SHC4: variants seen among roughly 807,000 people sequenced by gnomAD.
SHC4 encodes the protein SHC-transforming protein 4.
Under a neutral mutation model 69.4 loss-of-function variants are expected in SHC4, and 41 were observed. That is an observed-to-expected ratio of 0.59 (90% CI 0.46 to 0.77). The LOEUF (loss-of-function observed/expected upper bound fraction) is 0.77. Ranked by LOEUF, SHC4 falls within the 30% of genes least tolerant of loss-of-function variation. The pLI is 0.00. For missense variants in SHC4, 777 were observed against 783.8 expected, an observed-to-expected ratio of 0.99 and a Z score of 0.10; for synonymous variants, 318 against 299.3, an observed-to-expected ratio of 1.06 and a Z score of -0.64.
intron 8 of SHC4, among the ~76,000 whole-genome samples, chr15:48,854,281 T>C (rs4774525): frequency 0.97 from 147,328 of 152,076 alleles, 71,468 homozygotes; most frequent in East Asian, 1. Flanking sequence ...TCACATATCA[T>C]ATCAGAATGA....
rs750589523 is a variant in SHC4 at position 48,857,684 on chromosome 15, T to G, written c.1070+8A>C. On this transcript the variant is annotated splice_region_variant and intron_variant, in intron 7 of 11. Coordinates refer to ENST00000332408, the MANE Select transcript of SHC4 (RefSeq NM_203349.4). Reference sequence around the variant, plus strand: ...TATTGTCAAATTATTATAAAACTCTTGGCTGACCTTTCACAAGAAGTATTC... The same window carrying G: ...TATTGTCAAATTATTATAAAACTCTGGGCTGACCTTTCACAAGAAGTATTC... The G allele has an allele frequency of 6.3e-7, 1 of 1,592,384 alleles. No homozygotes were observed. The highest frequency in any genetic ancestry group is 8.5e-7 in the Non-Finnish European group (1 of 1,169,734).
At position 48,856,093 on chromosome 15, in the gene SHC4, C is replaced by T. The variant is rs764778016; in HGVS notation, c.1102G>A (p.Glu368Lys). The part of the protein sequence containing the change: ...EEVHIDSHAE[E>K]REDHEYYNEI... Reference sequence around the variant, plus strand: ...TTGTAATATTCATGATCTTCTCTCTCCTCGGCATGGCTATCAATATGCACC... The same window carrying T: ...TTGTAATATTCATGATCTTCTCTCTTCTCGGCATGGCTATCAATATGCACC... The change falls in exon 8 of 12, where the codon GAG (glutamate) becomes AAG (lysine). Residue 368 changes from glutamate to lysine, a missense_variant. Transcript: ENST00000332408. 6.2e-7 allele frequency: 1 copy of T among 1,613,652 alleles called. No homozygotes were observed.
At chr15:48,925,037 T>A in intron 1 of SHC4, 88 bp from the exon 2 acceptor site, 2 of 1,339,772 alleles carry the variant, frequency 1.5e-6, no homozygotes, top group Non-Finnish European at 2.1e-6. Flanking sequence ...GGGAAGCACC[T>A]AAAATCAGCT....
intron 1 of SHC4, among the ~76,000 whole-genome samples, chr15:48,926,753 G>A (rs116091327): frequency 3.3e-3 from 509 of 152,176 alleles, no homozygotes; most frequent in African/African-American, 0.012. Context: ...ATGAGCCACC[G>A]CATCCTGCTG....
intron 6 of SHC4, among the ~76,000 whole-genome samples, chr15:48,867,261 A>G (rs1899581357): frequency 6.6e-6 from 1 of 152,244 alleles, no homozygotes; most frequent in Non-Finnish European, 1.5e-5. Flanking sequence ...TGTTAATGAA[A>G]AGAGAAATAA....
chr15:48,848,772 CT>C (rs1379636451), intron 9 of SHC4, among the ~76,000 whole-genome samples: 1 of 152,044 alleles, frequency 6.6e-6, no homozygotes, highest in African/African-American at 2.4e-5. Context: ...CGTTAAAATA[CT>C]TTCATATCCA....
intron 4 of SHC4, chr15:48,877,510 C>T: frequency 3.0e-6 from 3 of 983,802 alleles, no homozygotes; most frequent in East Asian, 1.1e-4. Flanking sequence ...TAGTATTTTG[C>T]TGTCAATACA....
At chr15:48,915,328 C>A (rs1900599383) in intron 2 of SHC4, among the ~76,000 whole-genome samples, 1 of 152,184 alleles carries the variant, frequency 6.6e-6, no homozygotes, top group Admixed American at 6.5e-5. Flanking sequence ...CAGAACCATT[C>A]CCAATTGATT....
intron 1 of SHC4, among the ~76,000 whole-genome samples, chr15:48,941,264 G>A (rs1901170098): frequency 1.3e-5 from 2 of 152,188 alleles, no homozygotes; most frequent in African/African-American, 4.8e-5. Context: ...ATTCAGGGCA[G>A]TGGAGAGGGT....
chr15:48,923,544 C>CAAAAAAA (rs3075016), intron 2 of SHC4, among the ~76,000 whole-genome samples: 13 of 92,994 alleles, frequency 1.4e-4, no homozygotes, highest in African/African-American at 5.6e-4. Context: ...GACTCTGTCT[C>CAAAAAAA]AAAAAAAAAA....
At chr15:48,924,171 TGG>T (rs770161466) in intron 2 of SHC4, among the ~76,000 whole-genome samples, 3 of 152,190 alleles carry the variant, frequency 2.0e-5, no homozygotes, top group Non-Finnish European at 4.4e-5. Flanking sequence ...CCACATCCAA[TGG>T]ATGCCCAAGT....
Position 48,843,563 on chromosome 15 carries a change from C to T in SHC4, c.1329G>A (p.Gln443=). ...AIGNVHPRGV[Q]SQRDTSLLKH... ...TCAATAATGAGGTATCTCGCTGGGA[C>T]TGCACCCCTCTTGGATGGACATTAC... The change falls in exon 10 of 12, where the codon CAG becomes CAA. Residue 443 remains glutamine (Q), a synonymous_variant. Coordinates refer to ENST00000332408, the MANE Select transcript of SHC4 (RefSeq NM_203349.4). The T allele has an allele frequency of 1.2e-6, 2 of 1,614,122 alleles. No homozygotes were observed. The highest frequency in any genetic ancestry group is 1.7e-6 in the Non-Finnish European group (2 of 1,179,948).
At chr15:48,890,949 G>T in intron 2 of SHC4, 138 bp from the exon 3 acceptor site, 2 of 895,526 alleles carry the variant, frequency 2.2e-6, no homozygotes, top group Non-Finnish European at 3.5e-6. Context: ...TATTCTCCCA[G>T]CCCCACAGGA....
At position 48,962,601 on chromosome 15, in the gene SHC4, T is replaced by C. The variant is rs774362123; in HGVS notation, c.415A>G (p.Arg139Gly). The C allele has an allele frequency of 6.2e-7, 1 of 1,614,012 alleles. No individual in the cohort carries two copies. Among genetic ancestry groups the C allele is most frequent in the South Asian group, 1.1e-5 (1 of 91,058 alleles). The change falls in exon 1 of 12, where the codon AGG becomes GGG. Residue 139 changes from arginine (R) to glycine (G), a missense_variant. Transcript: ENST00000332408. ...TGCGGTGGAGGTGCAGTCCCGGACC[T>C]ACTTAAACTGGTTTCTGGGGAAGAG... ...GPSSPETSLS[R>G]SGTAPPPQQD...
chr15:48,951,029 C>T (rs1172356339), intron 1 of SHC4, among the ~76,000 whole-genome samples: 2 of 152,220 alleles, frequency 1.3e-5, no homozygotes, highest in African/African-American at 2.4e-5. Flanking sequence ...CCATTCCCTT[C>T]CTCCCCTTTC....
chr15:48,923,734 G>A (rs1228291431), intron 2 of SHC4, among the ~76,000 whole-genome samples: 2 of 149,506 alleles, frequency 1.3e-5, no homozygotes, highest in African/African-American at 5.0e-5. Flanking sequence ...TGAACTCCTG[G>A]GCTCAAGTGA....
At chr15:48,857,661 T>C in intron 7 of SHC4, 31 bp downstream of exon 7, 1 of 1,560,780 alleles carries the variant, frequency 6.4e-7, no homozygotes, top group Non-Finnish European at 8.7e-7. Flanking sequence ...TATATATATA[T>C]TGTCAAATTA....
At chr15:48,881,826 T>A (rs1032077161) in intron 4 of SHC4, among the ~76,000 whole-genome samples, 3 of 152,232 alleles carry the variant, frequency 2.0e-5, no homozygotes, top group African/African-American at 7.2e-5. Context: ...TGAAATATGG[T>A]AATATTTAAA....
intron 10 of SHC4, among the ~76,000 whole-genome samples, chr15:48,838,765 A>G (rs1898942426): frequency 6.6e-6 from 1 of 152,196 alleles, no homozygotes; most frequent in Non-Finnish European, 1.5e-5. Flanking sequence ...AGCTTGATAT[A>G]ATAGAAAGTA....
Sources: allele counts gnomAD v4.1 joint callset (sites outside exome capture counted in the v4.1 genomes callset), GRCh38; gene constraint gnomAD v4.1.1; transcripts MANE v1.5; gene names NCBI Gene and HGNC (gene_info 2026-07-23, HGNC 2026-07-21).